Variants in SACM1L observed in about 807,000 individuals in gnomAD.
SACM1L encodes phosphatidylinositol-3-phosphatase SAC1.
Under a neutral mutation model 89.5 loss-of-function variants are expected in SACM1L, and 32 were observed. The observed-to-expected ratio is 0.36, with a 90% CI of 0.27 to 0.48. The LOEUF is 0.48. Ranked by LOEUF, SACM1L falls within the 20% of genes least tolerant of loss-of-function variation. The probability of loss-of-function intolerance (pLI) is 0.99; values close to 1 mark genes in which losing one functional copy is unlikely to be tolerated. For missense variants in SACM1L, 543 were observed against 708.5 expected (o/e 0.77, Z 2.65); for synonymous variants, 213 against 232.8 (o/e 0.92, Z 0.77).
intron 2 of SACM1L, 72 bp downstream of exon 2, chr3:45,703,607 C>G (rs983741311): frequency 9.9e-7 from 1 of 1,005,656 alleles, no homozygotes; most frequent in Non-Finnish European, 1.5e-6. Context: ...TAAAAAACAT[C>G]ACTCAGAGGT....
intron 16 of SACM1L, among the ~76,000 whole-genome samples, 187 bp downstream of exon 16, chr3:45,738,031 C>A (rs1699240719): frequency 6.6e-6 from 1 of 152,136 alleles, no homozygotes; most frequent in African/African-American, 2.4e-5. Context: ...GTGTTCTTAG[C>A]CACCCTGGGA....
In SACM1L at chr3:45,732,043, C is replaced by A. The variant is rs758752865; in HGVS notation, c.1002-10C>A. On this transcript the variant is annotated splice_polypyrimidine_tract_variant and intron_variant, in intron 12 of 19. Transcript: ENST00000389061. ...TCTGGTCGGTTTCTGAATATCTTTT[C>A]TTTTGGTAGATACATTGCCTTTGAC... 3 of 1,509,068 alleles carry A rather than the reference C, an allele frequency of 2.0e-6. No homozygotes were observed. The highest frequency in any genetic ancestry group is 1.2e-5 in the South Asian group (1 of 81,332). The allele number at this position is 1,509,068 out of a possible 1,614,324, so 93.5% of individuals were successfully genotyped here.
intron 19 of SACM1L, among the ~76,000 whole-genome samples, chr3:45,741,809 AC>A (rs1699322816): frequency 6.6e-6 from 1 of 152,202 alleles, no homozygotes; most frequent in African/African-American, 2.4e-5. Context: ...TGTGTTTATA[AC>A]CATTTAAAAA....
chr3:45,709,258 G>A (rs1313398716), intron 4 of SACM1L, among the ~76,000 whole-genome samples: 1 of 152,114 alleles, frequency 6.6e-6, no homozygotes, highest in East Asian at 1.9e-4. Flanking sequence ...GATACAAAGG[G>A]GAGGAGTCCT....
At position 45,689,762 on chromosome 3, in the gene SACM1L, C is replaced by G. The variant is rs1371588168; in HGVS notation, c.32+265C>G. ...AGAGAAGCTGCCGACTGGCCCCCAC[C>G]GAGCCGGGGTCGGCGTTATGATGCG... On this transcript the variant is annotated intron_variant, in intron 1 of 19. Coordinates refer to ENST00000389061, the MANE Select transcript of SACM1L (RefSeq NM_014016.5). 2.9e-5 allele frequency: 17 copies of G among 582,656 alleles called. No individual in the cohort carries two copies. The Admixed American group carries it at 4.2e-4, about 14-fold the overall frequency. The allele number at this position is 582,656 out of a possible 1,614,324, so 36.1% of individuals were successfully genotyped here.
In SACM1L at chr3:45,689,506, C is replaced by A; in HGVS notation, c.32+9C>A. 1 of 1,576,220 alleles carries A rather than the reference C, an allele frequency of 6.3e-7. No homozygotes were observed. Among genetic ancestry groups the A allele is most frequent in the East Asian group, 2.3e-5 (1 of 43,160 alleles). On this transcript the variant is annotated intron_variant, in intron 1 of 19. Transcript: ENST00000389061. ...TACGAGCAGCTGAAGCTGTGAGTCC[C>A]ACGGGCCAGAGGCCTGAGGCGCGGC...
intron 7 of SACM1L, among the ~76,000 whole-genome samples, chr3:45,717,255 T>C (rs890358556): frequency 7.2e-5 from 11 of 152,226 alleles, no homozygotes; most frequent in Admixed American, 4.6e-4. Flanking sequence ...ACTTCTCCAA[T>C]GCATACCCAA....
chr3:45,717,625 G>A (rs1698690837), intron 7 of SACM1L, among the ~76,000 whole-genome samples: 2 of 152,316 alleles, frequency 1.3e-5, no homozygotes, highest in African/African-American at 4.8e-5. Context: ...AAGAAAAAGT[G>A]TTACATATAG....
intron 1 of SACM1L, among the ~76,000 whole-genome samples, chr3:45,694,365 G>A (rs530936851): frequency 6.6e-6 from 1 of 152,188 alleles, no homozygotes; most frequent in Non-Finnish European, 1.5e-5. Flanking sequence ...GAAAACAGAT[G>A]TAACCTAAGC....
At chr3:45,723,354 T>C (rs1013825381) in intron 10 of SACM1L, 121 bp from the exon 11 acceptor site, 1 of 360,238 alleles carries the variant, frequency 2.8e-6, no homozygotes, top group Non-Finnish European at 4.8e-6. Flanking sequence ...CCTGACATCT[T>C]TCTTTTGAAT....
intron 8 of SACM1L, among the ~76,000 whole-genome samples, chr3:45,720,189 G>A (rs1217091364): frequency 6.6e-6 from 1 of 152,102 alleles, no homozygotes; most frequent in East Asian, 1.9e-4. Context: ...GGGCCAGAAA[G>A]TTGTAGAAAT....
rs577085333 is a variant in SACM1L at position 45,744,454 on chromosome 3, G to A, written c.*785G>A. 20 of 152,758 alleles carry A rather than the reference G, an allele frequency of 1.3e-4. No individual in the cohort carries two copies. Among genetic ancestry groups the A allele is most frequent in the African/African-American group, 3.8e-4 (16 of 41,574 alleles). The allele number at this position is 152,758 out of a possible 1,614,324, so 9.5% of individuals were successfully genotyped here. A position where few individuals can be genotyped will look rare whatever the true frequency, so the allele number is the denominator to read the frequency against. On this transcript the variant is annotated 3_prime_UTR_variant, in exon 20 of 20. Transcript: ENST00000389061. ...TTATCCCAATGTGGAAGATGCCCAT[G>A]ACTGGTCAGCTACTTCCTCCTATAC...
In SACM1L at chr3:45,743,780, A is replaced by G; in HGVS notation, c.*111A>G. 8.8e-7 allele frequency: 1 copy of G among 1,136,174 alleles called. No individual in the cohort carries two copies. The highest frequency in any genetic ancestry group is 1.2e-6 in the Non-Finnish European group (1 of 808,676). The allele number at this position is 1,136,174 out of a possible 1,614,324, so 70.4% of individuals were successfully genotyped here. A position where few individuals can be genotyped will look rare whatever the true frequency, so the allele number is the denominator to read the frequency against. ...CAAGGTCTTTTTAATGCCTTTATCC[A>G]AAAGCACATCTTGTGCTCCATGCAG... On this transcript the variant is annotated 3_prime_UTR_variant, in exon 20 of 20. Coordinates refer to ENST00000389061, the MANE Select transcript of SACM1L (RefSeq NM_014016.5).
chr3:45,699,566 C>T (rs1168699018), intron 1 of SACM1L, among the ~76,000 whole-genome samples: 1 of 152,078 alleles, frequency 6.6e-6, no homozygotes, highest in Non-Finnish European at 1.5e-5. Context: ...CTCACTCTGT[C>T]GCCCAGGCTG....
chr3:45,690,745 A>G (rs2742420), intron 1 of SACM1L, among the ~76,000 whole-genome samples: 73,467 of 151,988 alleles, frequency 0.48, 18,279 homozygotes, highest in Middle Eastern at 0.57. Flanking sequence ...ACCTTTCCCT[A>G]TTTTCTCCCA....
Position 45,745,172 on chromosome 3 carries a change from A to G in SACM1L, c.*1503A>G, listed in dbSNP as rs1335850392. On this transcript the variant is annotated 3_prime_UTR_variant, in exon 20 of 20. Coordinates refer to ENST00000389061, the MANE Select transcript of SACM1L (RefSeq NM_014016.5). ...AAGATGGAATATTGAAACTTAGTTCATGTCTGCTGTAAAATATTATTTAAA... is the reference window on the plus strand; with the variant it reads ...AAGATGGAATATTGAAACTTAGTTCGTGTCTGCTGTAAAATATTATTTAAA... 6.6e-6 allele frequency: 1 copy of G among 152,588 alleles called. No homozygotes were observed. The highest frequency in any genetic ancestry group is 6.5e-5 in the Admixed American group (1 of 15,280). The allele number at this position is 152,588 out of a possible 1,614,324, so 9.5% of individuals were successfully genotyped here. A position where few individuals can be genotyped will look rare whatever the true frequency, so the allele number is the denominator to read the frequency against.
chr3:45,698,352 G>C (rs1196593539), intron 1 of SACM1L, among the ~76,000 whole-genome samples: 2 of 152,152 alleles, frequency 1.3e-5, no homozygotes, highest in East Asian at 3.9e-4. Flanking sequence ...GGCAGTCACT[G>C]TTCACATTTT....
At chr3:45,707,666 T>C (rs1482739259) in intron 4 of SACM1L, among the ~76,000 whole-genome samples, 2 of 152,196 alleles carry the variant, frequency 1.3e-5, no homozygotes. Context: ...GGAGTGGCTG[T>C]GACGAAAGGG....
intron 18 of SACM1L, 107 bp downstream of exon 18, chr3:45,738,980 A>G (rs1028610158): frequency 8.8e-6 from 6 of 682,674 alleles, no homozygotes; most frequent in Non-Finnish European, 1.5e-5. Flanking sequence ...ATATTTCATT[A>G]CATGAAATAT....
Sources: allele counts gnomAD v4.1 joint callset (sites outside exome capture counted in the v4.1 genomes callset), GRCh38; gene constraint gnomAD v4.1.1; transcripts MANE v1.5; gene names NCBI Gene and HGNC (gene_info 2026-07-23, HGNC 2026-07-21).